Variants in NRDC observed in about 807,000 individuals in gnomAD.
The protein encoded by NRDC is nardilysin convertase.
Under a neutral mutation model 147.1 loss-of-function variants are expected in NRDC, and 54 were observed. The ratio of observed to expected loss-of-function variants is 0.37; its 90% CI spans 0.29 to 0.46. NRDC has a LOEUF of 0.46. Among genes scored for constraint, NRDC ranks in the 20% least tolerant of loss-of-function variants. NRDC has a pLI of 1.00. For missense variants in NRDC, 1,082 were observed against 1,370.6 expected, an observed-to-expected ratio of 0.79 and a Z score of 3.33; for synonymous variants, 440 against 482.1, an observed-to-expected ratio of 0.91 and a Z score of 1.14.
chr1:51,803,967 A>G lies in NRDC; in HGVS notation c.2163-3T>C. 1 of 1,571,990 alleles carries G rather than the reference A, an allele frequency of 6.4e-7. No homozygotes were observed. Among genetic ancestry groups the G allele is most frequent in the Non-Finnish European group, 8.6e-7 (1 of 1,159,008 alleles). On this transcript the variant is annotated splice_polypyrimidine_tract_variant and splice_region_variant and intron_variant, in intron 19 of 30. Transcript: ENST00000352171. ...CAAAGATATCAAAGAGGACCACACT[A>G]AGAAGTACAAAATGCAAATGGCATC... is the stretch of plus-strand genomic sequence containing the variant.
At chr1:51,813,983 C>A in intron 14 of NRDC, 52 bp downstream of exon 14, 1 of 1,156,216 alleles carries the variant, frequency 8.6e-7, no homozygotes, top group African/African-American at 1.5e-5. Context: ...ATGTCTACAC[C>A]AGCTTCAACT....
At chr1:51,875,003 C>T (rs72901967) in intron 1 of NRDC, among the ~76,000 whole-genome samples, 3,853 of 149,912 alleles carry the variant, frequency 0.026, 110 homozygotes, top group South Asian at 0.095. Context: ...ATGGATCGTG[C>T]ACAAAATCCT....
chr1:51,794,674 C>T, intron 23 of NRDC, 64 bp from the exon 24 acceptor site: 1 of 1,598,288 alleles, frequency 6.3e-7, no homozygotes, highest in East Asian at 2.2e-5. Context: ...GGCCTTCTAA[C>T]TTTTCAATTG....
chr1:51,806,089 T>C (rs1056261735), intron 18 of NRDC, among the ~76,000 whole-genome samples: 2 of 152,182 alleles, frequency 1.3e-5, no homozygotes, highest in Admixed American at 1.3e-4. Flanking sequence ...TATGATTCCA[T>C]GTGGCTTCAA....
At chr1:51,827,311 CAG>C (rs1557914767) in intron 5 of NRDC, among the ~76,000 whole-genome samples, 1 of 152,188 alleles carries the variant, frequency 6.6e-6, no homozygotes, top group East Asian at 1.9e-4. Context: ...GGAACAAATA[CAG>C]AGACTTGCAG....
chr1:51,807,954 C>T (rs918387610), intron 17 of NRDC, among the ~76,000 whole-genome samples: 1 of 151,788 alleles, frequency 6.6e-6, no homozygotes, highest in Non-Finnish European at 1.5e-5. Flanking sequence ...TACAGGCATG[C>T]GCCACCACGC....
At chr1:51,827,722 AG>A (rs1680508309) in intron 5 of NRDC, 73 bp downstream of exon 5, 1 of 1,128,786 alleles carries the variant, frequency 8.9e-7, no homozygotes, top group Admixed American at 1.7e-5. Context: ...CTAGAGATAA[AG>A]AAGGATAAAT....
intron 21 of NRDC, 165 bp from the exon 22 acceptor site, chr1:51,798,576 T>G (rs1679042569): frequency 1.7e-6 from 1 of 586,360 alleles, no homozygotes; most frequent in Non-Finnish European, 2.9e-6. Context: ...ACCAAAAAAG[T>G]ACTGAAAACC....
chr1:51,789,445 C>CAAAG lies in NRDC; in HGVS notation c.3259-16_3259-13dup, dbSNP rs373444119. ...CCATATCCAACAACCTGAAAGAGGA[C>CAAAG]AAAGACAAAAGTGAAAAATATGCTG... On this transcript the variant is annotated splice_polypyrimidine_tract_variant and intron_variant, in intron 30 of 30. Coordinates refer to ENST00000352171, the MANE Select transcript of NRDC (RefSeq NM_001101662.2). 84 of 1,613,594 alleles carry CAAAG rather than the reference C, an allele frequency of 5.2e-5. 1 individual carries two copies. In the African/African-American group the frequency reaches 8.9e-4, roughly 17 times the overall value.
At chr1:51,819,657 C>T in intron 9 of NRDC, 143 bp downstream of exon 9, 1 of 619,670 alleles carries the variant, frequency 1.6e-6, no homozygotes, top group Non-Finnish European at 2.8e-6. Flanking sequence ...TTAATTAGAT[C>T]TCCATTGCCC....
chr1:51,803,301 C>T (rs915229509), intron 20 of NRDC, among the ~76,000 whole-genome samples: 2 of 151,914 alleles, frequency 1.3e-5, no homozygotes, highest in African/African-American at 2.4e-5. Context: ...ACGGAGAAAC[C>T]CCATCTCTAC....
intron 22 of NRDC, chr1:51,795,399 C>T (rs951835962): frequency 5.6e-5 from 15 of 268,424 alleles, no homozygotes; most frequent in Middle Eastern, 1.7e-3. Context: ...GGTACTTCAA[C>T]GGTGCTCGGA....
intron 1 of NRDC, among the ~76,000 whole-genome samples, chr1:51,864,492 A>G (rs1321874099): frequency 2.6e-5 from 4 of 152,210 alleles, no homozygotes; most frequent in Non-Finnish European, 4.4e-5. Context: ...TTTTTGATAT[A>G]CAAGTACTTA....
Position 51,789,241 on chromosome 1 carries a change from T to A in NRDC, c.3451A>T (p.Lys1151Ter). The change falls in exon 31 of 31, where the codon AAA (lysine) becomes TAA (stop). Residue 1151 changes from lysine to a stop codon, truncating the protein, a stop_gained. Coordinates refer to ENST00000352171, the MANE Select transcript of NRDC (RefSeq NM_001101662.2). LOFTEE classifies it high-confidence loss of function. ...CCAACGTGACTGCAGTTTATTTATT[T>A]GACTATTTTATGGTAGGGGAGAAGG... ...LNLLPYHKIVK is the reference protein window; with the variant it reads ...LNLLPYHKIV 6.2e-7 allele frequency: 1 copy of A among 1,613,878 alleles called. No homozygotes were observed. Among genetic ancestry groups the A allele is most frequent in the Non-Finnish European group, 8.5e-7 (1 of 1,179,732 alleles).
At chr1:51,844,945 G>T (rs987693870) in intron 1 of NRDC, among the ~76,000 whole-genome samples, 1 of 152,040 alleles carries the variant, frequency 6.6e-6, no homozygotes, top group African/African-American at 2.4e-5. Flanking sequence ...TGTTATTTAA[G>T]CTACTCTGTC....
intron 1 of NRDC, among the ~76,000 whole-genome samples, chr1:51,849,684 C>CG (rs1681841146): frequency 6.5e-4 from 98 of 150,606 alleles, no homozygotes; most frequent in African/African-American, 2.3e-3. Context: ...GGCATGGTGG[C>CG]TGGCACCTGT....
At chr1:51,836,052 G>C (rs1680955305) in intron 3 of NRDC, 79 bp downstream of exon 3, 8 of 1,066,580 alleles carry the variant, frequency 7.5e-6, no homozygotes, top group Non-Finnish European at 1.1e-5. Context: ...CAAATCACTT[G>C]CTAATCTTTG....
At chr1:51,863,144 G>T (rs540549811) in intron 1 of NRDC, among the ~76,000 whole-genome samples, 5 of 151,866 alleles carry the variant, frequency 3.3e-5, no homozygotes, top group African/African-American at 1.2e-4. Flanking sequence ...GCTCACACCT[G>T]TAATCCCAGC....
chr1:51,872,048 T>C (rs910749345), intron 1 of NRDC, among the ~76,000 whole-genome samples: 3 of 152,094 alleles, frequency 2.0e-5, no homozygotes, highest in African/African-American at 7.2e-5. Flanking sequence ...ATTTTTGTAT[T>C]TTAGTAGAGA....
Sources: gnomAD v4.1 joint callset for allele counts (sites outside exome capture counted in the v4.1 genomes callset) on GRCh38, gnomAD v4.1.1 for gene constraint, MANE v1.5 for transcripts, NCBI Gene and HGNC (gene_info 2026-07-23, HGNC 2026-07-21) for gene names.